DLGAP2: variants seen among roughly 807,000 people sequenced by gnomAD.
The protein encoded by DLGAP2 is DLG associated protein 2.
A neutral mutation model predicts 100.3 loss-of-function variants in DLGAP2; 26 were observed. The ratio of observed to expected loss-of-function variants is 0.26; its 90% CI spans 0.19 to 0.36. The LOEUF is 0.36. DLGAP2 is among the 10% of genes least tolerant of loss of function. DLGAP2 has a pLI of 1.00. For missense variants in DLGAP2, 1,858 were observed against 1,453.2 expected (o/e 1.28, Z -4.53); for synonymous variants, 886 against 630.1 (o/e 1.41, Z -6.08).
At chr8:882,875 G>C (rs1049403412) in intron 1 of DLGAP2, among the ~76,000 whole-genome samples, 1 of 152,264 alleles carries the variant, frequency 6.6e-6, no homozygotes, top group East Asian at 1.9e-4. Context: ...CTTCTCGGCT[G>C]CTCACGCTGC....
intron 3 of DLGAP2, among the ~76,000 whole-genome samples, chr8:1,335,186 G>T (rs1471116766): frequency 6.6e-6 from 1 of 152,150 alleles, no homozygotes; most frequent in Non-Finnish European, 1.5e-5. Context: ...AGCAGAGGTA[G>T]TGTGGCCTTT....
chr8:1,042,395 G>C (rs1457128642), intron 2 of DLGAP2, among the ~76,000 whole-genome samples: 3 of 152,222 alleles, frequency 2.0e-5, no homozygotes, highest in African/African-American at 2.4e-5. Context: ...CGCAGAGGTG[G>C]CTTAGGATTT....
chr8:1,392,123 A>G (rs1330481056), intron 3 of DLGAP2, among the ~76,000 whole-genome samples: 1 of 152,200 alleles, frequency 6.6e-6, no homozygotes, highest in Non-Finnish European at 1.5e-5. Flanking sequence ...TGCCTTATCT[A>G]CATCTCTAAT....
intron 4 of DLGAP2, among the ~76,000 whole-genome samples, chr8:1,516,374 AGTGAGTGACTGAGTGAATGAGTGG>A (rs1373636594): frequency 1.3e-5 from 2 of 152,022 alleles, no homozygotes; most frequent in Non-Finnish European, 2.9e-5. Flanking sequence ...TGAATGAGTG[AGTGAGTGACTGAGTGAATGAGTGG>A]GTGACTGAGT....
At chr8:904,605 G>A (rs1361720525) in intron 1 of DLGAP2, among the ~76,000 whole-genome samples, 3 of 152,196 alleles carry the variant, frequency 2.0e-5, no homozygotes, top group Non-Finnish European at 2.9e-5. Flanking sequence ...CTGTGATTCT[G>A]CTTTCCTCAG....
intron 3 of DLGAP2, among the ~76,000 whole-genome samples, chr8:1,415,131 C>T (rs1208920961): frequency 6.6e-6 from 1 of 152,226 alleles, no homozygotes; most frequent in East Asian, 1.9e-4. Context: ...TGCATACAAA[C>T]AGGTACACAC....
At chr8:1,095,910 G>C (rs1420833987) in intron 2 of DLGAP2, among the ~76,000 whole-genome samples, 1 of 152,158 alleles carries the variant, frequency 6.6e-6, no homozygotes, top group Non-Finnish European at 1.5e-5. Context: ...CTCTTCCCTA[G>C]AGAACAGGCT....
chr8:1,533,484 C>T (rs1352684793), intron 4 of DLGAP2, among the ~76,000 whole-genome samples: 3 of 150,430 alleles, frequency 2.0e-5, no homozygotes, highest in East Asian at 3.9e-4. Context: ...CCAGCCTGGG[C>T]GAAAGAGTGA....
At chr8:1,166,688 C>G (rs1183710615) in intron 2 of DLGAP2, among the ~76,000 whole-genome samples, 1 of 152,080 alleles carries the variant, frequency 6.6e-6, no homozygotes, top group East Asian at 1.9e-4. Flanking sequence ...GATTTAATCA[C>G]CCCACATTGT....
chr8:1,178,148 G>A (rs755511477), intron 2 of DLGAP2, among the ~76,000 whole-genome samples: 6 of 152,342 alleles, frequency 3.9e-5, no homozygotes, highest in South Asian at 2.1e-4. Flanking sequence ...AGGGACCCCC[G>A]GAGGACTGCC....
intron 3 of DLGAP2, among the ~76,000 whole-genome samples, chr8:1,357,542 TC>T (rs1394970797): frequency 4.6e-5 from 7 of 152,128 alleles, no homozygotes; most frequent in African/African-American, 7.2e-5. Context: ...AGCAAATATT[TC>T]CCGCCTCACA....
chr8:1,164,635 G>T (rs945916607), intron 2 of DLGAP2, among the ~76,000 whole-genome samples: 23 of 151,760 alleles, frequency 1.5e-4, no homozygotes, highest in Non-Finnish European at 2.9e-5. Flanking sequence ...GCTCAGAACC[G>T]CCAGGGCCTG....
At chr8:1,637,061 C>T (rs536628821) in intron 8 of DLGAP2, among the ~76,000 whole-genome samples, 8 of 152,192 alleles carry the variant, frequency 5.3e-5, no homozygotes, top group Non-Finnish European at 1.2e-4. Context: ...GTCTGGCCGC[C>T]GGCTGGCTCC....
At chr8:795,076 T>G (rs1043782865) in intron 1 of DLGAP2, among the ~76,000 whole-genome samples, 22 of 152,206 alleles carry the variant, frequency 1.4e-4, no homozygotes, top group Admixed American at 1.4e-3. Flanking sequence ...GAACACTGTT[T>G]AGATACCTGA....
At chr8:1,533,803 A>T (rs1054172669) in intron 4 of DLGAP2, among the ~76,000 whole-genome samples, 1 of 152,138 alleles carries the variant, frequency 6.6e-6, no homozygotes, top group African/African-American at 2.4e-5. Flanking sequence ...CAAAAAAATT[A>T]AAAAATAGCC....
intron 6 of DLGAP2, among the ~76,000 whole-genome samples, chr8:1,589,863 GA>G (rs1796238855): frequency 1.3e-5 from 2 of 152,188 alleles, no homozygotes; most frequent in African/African-American, 4.8e-5. Flanking sequence ...GGTCACTTCT[GA>G]CCCCGCAACA....
chr8:1,209,328 A>G (rs1282405040), intron 2 of DLGAP2, among the ~76,000 whole-genome samples: 8 of 152,194 alleles, frequency 5.3e-5, no homozygotes, highest in Admixed American at 3.3e-4. Flanking sequence ...AACAGAATAG[A>G]GGACCCAGAA....
At chr8:1,184,960 G>T (rs118182026) in intron 2 of DLGAP2, among the ~76,000 whole-genome samples, 303 of 152,312 alleles carry the variant, frequency 2.0e-3, no homozygotes, top group Non-Finnish European at 3.4e-3. Context: ...TTCAGACCCA[G>T]GTTTGCTAGG....
intron 5 of DLGAP2, among the ~76,000 whole-genome samples, chr8:1,553,505 G>A (rs960984194): frequency 3.8e-4 from 2 of 5,316 alleles, no homozygotes; most frequent in Non-Finnish European, 7.1e-4. Flanking sequence ...GGGCAGCCCC[G>A]TTAGACTTTG....
Sources: allele counts gnomAD v4.1 joint callset (sites outside exome capture counted in the v4.1 genomes callset), GRCh38; gene constraint gnomAD v4.1.1; transcripts MANE v1.5; gene names NCBI Gene and HGNC (gene_info 2026-07-23, HGNC 2026-07-21).